PARD3B: variants seen among roughly 807,000 people sequenced by gnomAD.
PARD3B encodes partitioning defective 3 homolog B.
In PARD3B, 103 loss-of-function variants were observed where a neutral mutation model predicts 130.2. The ratio of observed to expected loss-of-function variants is 0.79; its 90% confidence interval spans 0.67 to 0.93. PARD3B has a LOEUF of 0.93. Ranked by LOEUF, PARD3B falls within the 40% of genes least tolerant of loss-of-function variation. PARD3B has a pLI of 0.00. For missense variants in PARD3B, 1,609 were observed against 1,499.2 expected, an observed-to-expected ratio of 1.07 and a Z score of -1.21; for synonymous variants, 583 against 553.2, an observed-to-expected ratio of 1.05 and a Z score of -0.76.
chr2:204,989,938 A>G lies in PARD3B; in HGVS notation c.394+24615A>G, dbSNP rs530169526. 5.3e-5 allele frequency among the ~76,000 whole-genome samples: 8 copies of G among 152,282 alleles called. No individual in the cohort carries two copies. The South Asian group carries it at 1.4e-3, about 28-fold the overall frequency. On this transcript the variant is annotated intron_variant, in intron 3 of 22. Transcript: ENST00000406610. ...ATAACAATTTTCTCTAGGTAAATAT[A>G]CTTAGAATGAAATTGTTTGTTTATA... is the stretch of plus-strand genomic sequence containing the variant.
At chr2:205,422,233 T>C (rs191250832) in intron 19 of PARD3B, among the ~76,000 whole-genome samples, 13 of 152,096 alleles carry the variant, frequency 8.5e-5, no homozygotes, top group Admixed American at 7.9e-4. Flanking sequence ...CTGAGGCAAA[T>C]AAAGCTTTGT....
At chr2:204,931,449 C>T (rs1247673542) in intron 2 of PARD3B, among the ~76,000 whole-genome samples, 1 of 151,934 alleles carries the variant, frequency 6.6e-6, no homozygotes, top group Non-Finnish European at 1.5e-5. Flanking sequence ...GGAGAAGGCC[C>T]ATTTAATGAT....
chr2:205,151,779 ATG>A (rs1241027826), intron 10 of PARD3B, among the ~76,000 whole-genome samples: 19 of 152,230 alleles, frequency 1.2e-4, no homozygotes, highest in African/African-American at 4.6e-4. Flanking sequence ...TAATATTGTT[ATG>A]TGTGAATTTG....
chr2:204,843,378 G>C (rs568069525), intron 2 of PARD3B, among the ~76,000 whole-genome samples: 3 of 152,034 alleles, frequency 2.0e-5, no homozygotes, highest in Admixed American at 1.3e-4. Flanking sequence ...CAGTTAGTTT[G>C]TTTCCTTCCT....
chr2:205,348,304 A>G (rs775924817), intron 18 of PARD3B: 22 of 152,254 alleles, frequency 1.4e-4, no homozygotes, highest in Non-Finnish European at 3.2e-4. Flanking sequence ...ATTACTGAAC[A>G]ACAATTAGAG....
At chr2:204,822,810 T>G (rs2043416896) in intron 2 of PARD3B, among the ~76,000 whole-genome samples, 1 of 152,228 alleles carries the variant, frequency 6.6e-6, no homozygotes, top group African/African-American at 2.4e-5. Flanking sequence ...GAGAGAATCT[T>G]TGTGTCACAG....
intron 3 of PARD3B, among the ~76,000 whole-genome samples, chr2:205,009,168 G>A (rs1695508991): frequency 6.6e-6 from 1 of 151,880 alleles, no homozygotes; most frequent in Non-Finnish European, 1.5e-5. Flanking sequence ...GAGACATTTG[G>A]GATATTTATA....
chr2:204,924,526 A>C lies in PARD3B; in HGVS notation c.223-40626A>C, dbSNP rs1687435599. On this transcript the variant is annotated intron_variant, in intron 2 of 22. Transcript: ENST00000406610. ...TGAAGATATCAATTAGTTACTACTA[A>C]AATTGTTAAAAAGTCATCTGTGAAT... Among the ~76,000 whole-genome samples the C allele has an allele frequency of 2.0e-5, 3 of 152,210 alleles. No homozygotes were observed. The South Asian group carries it at 6.2e-4, about 32-fold the overall frequency.
rs1038633816 is a variant in PARD3B, at chr2:205,530,075, C to T, written c.3181-23249C>T. On this transcript the variant is annotated intron_variant, in intron 21 of 22. Transcript: ENST00000406610. This position sits in a 1 kb window ranked among gnomAD's most constrained non-coding sequence, Gnocchi z 4.7. ...GCTGTGAAGAGTAAGAAATGCTATCCGTAGGGTATGCACATTCCCACCACA... is the reference window on the plus strand; with the variant it reads ...GCTGTGAAGAGTAAGAAATGCTATCTGTAGGGTATGCACATTCCCACCACA... Among the ~76,000 whole-genome samples the T allele has an allele frequency of 3.3e-5, 5 of 152,090 alleles. No individual in the cohort carries two copies. Among genetic ancestry groups the T allele is most frequent in the African/African-American group, 1.2e-4 (5 of 41,422 alleles).
chr2:205,115,259 C>T (rs1300947717), intron 6 of PARD3B, among the ~76,000 whole-genome samples: 2 of 152,052 alleles, frequency 1.3e-5, no homozygotes, highest in Non-Finnish European at 2.9e-5. Context: ...TAGCACAAGC[C>T]TTGTAGAATA....
chr2:205,194,962 T>TGTTG (rs200507590), intron 15 of PARD3B, among the ~76,000 whole-genome samples: 4,184 of 144,946 alleles, frequency 0.029, 94 homozygotes, highest in East Asian at 0.085. Context: ...TTTTTTTTTT[T>TGTTG]TTTTTTTTGT....
At chr2:204,893,637 C>T (rs1462813956) in intron 2 of PARD3B, among the ~76,000 whole-genome samples, 1 of 152,026 alleles carries the variant, frequency 6.6e-6, no homozygotes, top group Admixed American at 6.6e-5. Flanking sequence ...CTCAGTATAT[C>T]CACAAACTTG....
chr2:204,987,686 A>AT (rs538801799), intron 3 of PARD3B, among the ~76,000 whole-genome samples: 60 of 150,852 alleles, frequency 4.0e-4, no homozygotes, highest in Non-Finnish European at 6.2e-4. Context: ...CTTCTTCAGA[A>AT]TTTTTTTTTT....
At chr2:204,702,480 C>G (rs2037939437) in intron 2 of PARD3B, among the ~76,000 whole-genome samples, 1 of 152,112 alleles carries the variant, frequency 6.6e-6, no homozygotes, top group Non-Finnish European at 1.5e-5. Context: ...TTGCGGTTCT[C>G]CAGTGATTAA....
intron 4 of PARD3B, among the ~76,000 whole-genome samples, chr2:205,066,708 G>A (rs1700399982): frequency 6.6e-6 from 1 of 152,104 alleles, no homozygotes; most frequent in Non-Finnish European, 1.5e-5. Context: ...TTCTCAATCT[G>A]TGAATTTGTA....
At position 205,230,516 on chromosome 2, in the gene PARD3B, G is replaced by A. The variant is rs1166145441; in HGVS notation, c.2141-15262G>A. Among the ~76,000 whole-genome samples, 1 of 152,120 alleles carries A rather than the reference G, an allele frequency of 6.6e-6. No individual in the cohort carries two copies. The highest frequency in any genetic ancestry group is 1.9e-4 in the East Asian group (1 of 5,152). On this transcript the variant is annotated intron_variant, in intron 15 of 22. Coordinates refer to ENST00000406610, the MANE Select transcript of PARD3B (RefSeq NM_001302769.2). The surrounding 1 kb of genome is among the most constrained non-coding windows in gnomAD (Gnocchi z 4.1). ...GCTAGGATTCAAGTTGCAAGATGAA[G>A]TCCTCTTAACTCTTCCCTCTTTTCT...
At chr2:204,830,138 C>G (rs1444759799) in intron 2 of PARD3B, among the ~76,000 whole-genome samples, 1 of 152,092 alleles carries the variant, frequency 6.6e-6, no homozygotes, top group African/African-American at 2.4e-5. Flanking sequence ...CCAGCCATGC[C>G]TGCTGTGTAG....
rs541954310 is a variant in PARD3B, at chr2:205,521,680, G to A, written c.3180+21649G>A. Among the ~76,000 whole-genome samples, 5 of 152,172 alleles carry A rather than the reference G, an allele frequency of 3.3e-5. No homozygotes were observed. The East Asian group carries it at 9.6e-4, about 29-fold the overall frequency. ...TGTTTTGTCCTTTAGAGAGACCTGG[G>A]CATGGATTGCTAATATTTCATTTGT... On this transcript the variant is annotated intron_variant, in intron 21 of 22. Coordinates refer to ENST00000406610, the MANE Select transcript of PARD3B (RefSeq NM_001302769.2).
chr2:205,401,236 C>G lies in PARD3B; in HGVS notation c.2741+113C>G, dbSNP rs917733841. On this transcript the variant is annotated intron_variant, in intron 19 of 22. Transcript: ENST00000406610. ...CATTTTAAGAAGTATAGGGGTTGAC[C>G]GATCTGAAAGGAAAGGTGTCTGATA... 6.4e-6 allele frequency: 5 copies of G among 785,888 alleles called. No individual in the cohort carries two copies. The Admixed American group carries it at 1.1e-4, about 17-fold the overall frequency. The allele number at this position is 785,888 out of a possible 1,614,324, so 48.7% of individuals were successfully genotyped here. A position where few individuals can be genotyped will look rare whatever the true frequency, so the allele number is the denominator to read the frequency against.
Sources: gnomAD v4.1 joint callset for allele counts (sites outside exome capture counted in the v4.1 genomes callset) on GRCh38, gnomAD v4.1.1 for gene constraint, Gnocchi (gnomAD v3.1) non-coding constraint, MANE v1.5 for transcripts, NCBI Gene and HGNC (gene_info 2026-07-23, HGNC 2026-07-21) for gene names.